The following SLCO4A1 variants were observed in gnomAD, a reference collection of about 807,000 sequenced individuals.
The protein encoded by SLCO4A1 is colon organic anion transporter.
SLCO4A1 carries 51 observed loss-of-function variants against 64.6 expected under a neutral mutation model. The ratio of observed to expected loss-of-function variants is 0.79; its 90% CI spans 0.63 to 1.00. SLCO4A1 has a LOEUF of 1.00. SLCO4A1 is among the 50% of genes least tolerant of loss of function. The pLI is 0.00. For missense variants in SLCO4A1, 919 were observed against 980.5 expected (o/e 0.94, Z 0.84); for synonymous variants, 471 against 444.9 (o/e 1.06, Z -0.74).
downstream of SLCO4A1, among the ~76,000 whole-genome samples, chr20:62,676,157 A>G (rs930381811): frequency 6.6e-6 from 1 of 152,190 alleles, no homozygotes; most frequent in African/African-American, 2.4e-5. Context: ...GCGCACGCCT[A>G]TAATCCCAGC....
In SLCO4A1 at chr20:62,661,023, G is replaced by C; in HGVS notation, c.1010-41G>C. ...CTCTCGGAGAAGTCCACCTCCGGGAGCCCCCAGCCCCCAGCCCCAGCTCAC... is the reference window on the plus strand; with the variant it reads ...CTCTCGGAGAAGTCCACCTCCGGGACCCCCCAGCCCCCAGCCCCAGCTCAC... On this transcript the variant is annotated intron_variant, in intron 4 of 11. Transcript: ENST00000217159. This position sits in a 1 kb window ranked among gnomAD's most constrained non-coding sequence, Gnocchi z 5.2. 1 of 732,790 alleles carries C rather than the reference G, an allele frequency of 1.4e-6. No individual in the cohort carries two copies. Among genetic ancestry groups the C allele is most frequent in the African/African-American group, 1.7e-5 (1 of 58,652 alleles). The allele number at this position is 732,790 out of a possible 1,614,324, so 45.4% of individuals were successfully genotyped here. A position where few individuals can be genotyped will look rare whatever the true frequency, so the allele number is the denominator to read the frequency against.
At chr20:62,675,998 C>T (rs554277078), downstream of SLCO4A1, among the ~76,000 whole-genome samples, 2 of 152,282 alleles carry the variant, frequency 1.3e-5, no homozygotes, top group East Asian at 3.9e-4. Context: ...ATGAGGGCTG[C>T]GGGGGCCTCC....
rs200804215 is a variant in SLCO4A1, at chr20:62,671,899, G to A, written c.*6G>A. ...AGCTCCAGAGCAGCGTCTGACCACC[G>A]CCCGCGCCCACCCGGCCACGGCGGG... On this transcript the variant is annotated 3_prime_UTR_variant, in exon 12 of 12. Transcript: ENST00000217159. 194 of 1,609,698 alleles carry A rather than the reference G, an allele frequency of 1.2e-4. 1 individual carries two copies. The highest frequency in any genetic ancestry group is 1.2e-3 in the South Asian group (107 of 91,082).
intron 3 of SLCO4A1, among the ~76,000 whole-genome samples, 187 bp from the exon 4 acceptor site, chr20:62,660,225 G>T (rs970600641): frequency 3.3e-5 from 5 of 152,206 alleles, no homozygotes; most frequent in African/African-American, 9.7e-5. Flanking sequence ...AGCCAAGGTG[G>T]TGTTTGCTTT....
At position 62,656,624 on chromosome 20, in the gene SLCO4A1, A is replaced by T. The variant is rs1380584481; in HGVS notation, c.170A>T (p.Gln57Leu). ...CATAGCCCCCTGGACACCAGCAAGC[A>T]GCCCCTCTGCCAGCTCTGGGCCGAG... ...AAHSPLDTSK[Q>L]PLCQLWAEKH... The change falls in exon 2 of 12, where the codon CAG becomes CTG. Residue 57 changes from glutamine (Q) to leucine (L), a missense_variant. Coordinates refer to ENST00000217159, the MANE Select transcript of SLCO4A1 (RefSeq NM_016354.4). 4 of 1,601,308 alleles carry T rather than the reference A, an allele frequency of 2.5e-6. No homozygotes were observed. The highest frequency in any genetic ancestry group is 3.4e-6 in the Non-Finnish European group (4 of 1,175,242).
Position 62,666,476 on chromosome 20 carries a change from G to A in SLCO4A1, c.1373G>A (p.Cys458Tyr). The change falls in exon 7 of 12, where the codon TGC becomes TAC. Residue 458 changes from cysteine to tyrosine, a missense_variant. By Grantham distance (194) the Cys-to-Tyr change is radical. Transcript: ENST00000217159. ...RLRGSAVIKF[C>Y]LFCTVVSLLG... ...CGGGGCTCCGCGGTCATCAAGTTCTGCCTGTTCTGCACCGTTGTCAGCCTG... is the reference window on the plus strand; with the variant it reads ...CGGGGCTCCGCGGTCATCAAGTTCTACCTGTTCTGCACCGTTGTCAGCCTG... 6.2e-7 allele frequency: 1 copy of A among 1,613,544 alleles called. No individual in the cohort carries two copies. The highest frequency in any genetic ancestry group is 8.5e-7 in the Non-Finnish European group (1 of 1,179,990).
chr20:62,664,993 C>CA lies in SLCO4A1; in HGVS notation c.1181_1182insA (p.Glu395ArgfsTer158). ...ATCCTGCTCTGCCTGGCCGGGGCCA[C>CA]CGAGGCCACTCTCATCACCGGCATG... On this transcript the variant is annotated frameshift_variant, in exon 6 of 12. Coordinates refer to ENST00000217159, the MANE Select transcript of SLCO4A1 (RefSeq NM_016354.4). LOFTEE classifies it high-confidence loss of function. 4.3e-6 allele frequency: 7 copies of CA among 1,613,922 alleles called. No individual in the cohort carries two copies. The highest frequency in any genetic ancestry group is 5.9e-6 in the Non-Finnish European group (7 of 1,179,944).
chr20:62,647,646 A>G (rs1299373042), intron 1 of SLCO4A1, among the ~76,000 whole-genome samples: 2 of 152,268 alleles, frequency 1.3e-5, no homozygotes, highest in African/African-American at 4.8e-5. Context: ...CTTTCCACGC[A>G]CTGCGCTGAG....
In SLCO4A1 at chr20:62,664,964, G is replaced by A. The variant is rs373862291; in HGVS notation, c.1152G>A (p.Thr384=). The A allele has an allele frequency of 1.0e-4, 164 of 1,612,390 alleles. No homozygotes were observed. The highest frequency in any genetic ancestry group is 3.1e-4 in the South Asian group (28 of 90,886). ...LSIWLLLKNP[T]FILLCLAGAT... ...TCTGGCTCCTGCTGAAGAACCCCAC[G>A]TTCATCCTGCTCTGCCTGGCCGGGG... Residue 384 remains threonine (T), a synonymous_variant, in exon 6 of 12, where the codon ACG becomes ACA. Coordinates refer to ENST00000217159, the MANE Select transcript of SLCO4A1 (RefSeq NM_016354.4).
At chr20:62,681,380 C>T (rs1415434484) in intron 2 of SLCO4A1, among the ~76,000 whole-genome samples, 6 of 152,178 alleles carry the variant, frequency 3.9e-5, no homozygotes, top group South Asian at 4.1e-4. Context: ...CACTCGTGTG[C>T]GTGTGTATTA....
intron 2 of SLCO4A1, among the ~76,000 whole-genome samples, 175 bp from the exon 3 acceptor site, chr20:62,658,501 TA>T (rs1984165889): frequency 6.6e-6 from 1 of 152,222 alleles, no homozygotes; most frequent in Non-Finnish European, 1.5e-5. Flanking sequence ...TGCTGACCCA[TA>T]TCAGGCCCAG....
Position 62,664,943 on chromosome 20 carries a change from G to T in SLCO4A1, c.1131G>T (p.Trp377Cys). ...CCCCACCTCTGCCCAGCTCCATCTG[G>T]CTCCTGCTGAAGAACCCCACGTTCA... The part of the protein sequence containing the change: ...KTIRDLPLSI[W>C]LLLKNPTFIL... The change falls in exon 6 of 12, where the codon TGG (tryptophan) becomes TGT (cysteine). Residue 377 changes from tryptophan to cysteine, a missense_variant. Trp to Cys is a radical substitution (Grantham distance 215). Coordinates refer to ENST00000217159, the MANE Select transcript of SLCO4A1 (RefSeq NM_016354.4). The T allele has an allele frequency of 6.2e-7, 1 of 1,607,692 alleles. No individual in the cohort carries two copies. Among genetic ancestry groups the T allele is most frequent in the Non-Finnish European group, 8.5e-7 (1 of 1,177,054 alleles).
chr20:62,650,746 C>T (rs946896330), intron 1 of SLCO4A1: 11 of 152,246 alleles, frequency 7.2e-5, no homozygotes, highest in African/African-American at 2.7e-4. Flanking sequence ...TCTGGCTGTC[C>T]ACATTGCTGG....
At chr20:62,678,900 G>A (rs953676813) in intron 2 of SLCO4A1, among the ~76,000 whole-genome samples, 12 of 152,288 alleles carry the variant, frequency 7.9e-5, no homozygotes, top group African/African-American at 2.9e-4. Context: ...CAGGGGCTGG[G>A]GTGGAGAGGA....
At position 62,667,886 on chromosome 20, in the gene SLCO4A1, G is replaced by T. The variant is rs373388330; in HGVS notation, c.1614G>T (p.Thr538=). Residue 538 remains threonine, a synonymous_variant, in exon 8 of 12, where the codon ACG becomes ACT. Coordinates refer to ENST00000217159, the MANE Select transcript of SLCO4A1 (RefSeq NM_016354.4). ...GCCACGCAGGGTGCCCTGCAGCCAC[G>T]GAGACGAATGTGGACGGCCAGAAGG... ...SLCHAGCPAA[T]ETNVDGQKVY... The T allele has an allele frequency of 3.1e-6, 5 of 1,613,808 alleles. No individual in the cohort carries two copies. The highest frequency in any genetic ancestry group is 1.7e-5 in the Admixed American group (1 of 60,014).
At chr20:62,687,694 G>A (rs554986925), downstream of SLCO4A1, among the ~76,000 whole-genome samples, 83 of 152,346 alleles carry the variant, frequency 5.4e-4, no homozygotes, top group South Asian at 1.4e-3. Flanking sequence ...ACCTCGGGGT[G>A]CACGGGCTGT....
chr20:62,673,969 A>T (rs150138261), downstream of SLCO4A1, among the ~76,000 whole-genome samples: 309 of 152,284 alleles, frequency 2.0e-3, 1 homozygote, highest in African/African-American at 7.3e-3. Flanking sequence ...TTTGCCGCTC[A>T]CCTGTTCTCC....
intron 4 of SLCO4A1, 68 bp from the exon 5 acceptor site, chr20:62,660,996 C>A: frequency 9.4e-7 from 1 of 1,066,844 alleles, no homozygotes; most frequent in Non-Finnish European, 1.4e-6. Flanking sequence ...GGGGCAGAGC[C>A]TCTCTCGGAG....
chr20:62,677,040 C>T (rs1053697017), downstream of SLCO4A1, among the ~76,000 whole-genome samples: 1 of 152,224 alleles, frequency 6.6e-6, no homozygotes, highest in Non-Finnish European at 1.5e-5. Context: ...AAGCCAGACA[C>T]AAAAGGCCAC....
Sources: gnomAD v4.1 joint callset for allele counts (sites outside exome capture counted in the v4.1 genomes callset) on GRCh38, gnomAD v4.1.1 for gene constraint, Gnocchi (gnomAD v3.1) non-coding constraint, MANE v1.5 for transcripts, NCBI Gene and HGNC (gene_info 2026-07-23, HGNC 2026-07-21) for gene names.